SCAMP3: variants seen among roughly 807,000 people sequenced by gnomAD.
SCAMP3 encodes the protein secretory carrier-associated membrane protein 3.
SCAMP3 carries 30 observed loss-of-function variants against 44.1 expected under a neutral mutation model. The observed-to-expected ratio is 0.68, with a 90% CI of 0.51 to 0.92. SCAMP3 has a LOEUF of 0.92. Among genes scored for constraint, SCAMP3 ranks in the 40% least tolerant of loss-of-function variants. The pLI, the probability that SCAMP3 is intolerant of heterozygous loss-of-function variation, is 0.00. For missense variants in SCAMP3, 394 were observed against 440.0 expected, an observed-to-expected ratio of 0.90 and a Z score of 0.93; for synonymous variants, 168 against 171.1, an observed-to-expected ratio of 0.98 and a Z score of 0.14.
chr1:155,257,691 C>T, intron 5 of SCAMP3, 34 bp from the exon 6 acceptor site: 2 of 1,544,964 alleles, frequency 1.3e-6, no homozygotes, highest in South Asian at 1.2e-5. Context: ...AGGAGCCCTT[C>T]TGGACTGCAA....
rs909106 is a variant in SCAMP3, at chr1:155,257,348, A to T, written c.716T>A (p.Ile239Asn). 6.2e-7 allele frequency: 1 copy of T among 1,614,142 alleles called. No individual in the cohort carries two copies. The highest frequency in any genetic ancestry group is 1.1e-5 in the South Asian group (1 of 91,078). Residue 239 changes from isoleucine (I) to asparagine (N), a missense_variant, in exon 7 of 9, where the codon ATT becomes AAT. By Grantham distance (149) the Ile-to-Asn change is moderately radical. Transcript: ENST00000302631. ...SSFNFFVFFF[I>N]FFVQDVLFVL... ...AAAGAGCACATCCTGGACGAAGAAA[A>T]TGAAGAAGAAAACGAAGAAATTGAA...
Position 155,257,721 on chromosome 1 carries a change from A to G in SCAMP3, c.518-64T>C, listed in dbSNP as rs1027724866. On this transcript the variant is annotated intron_variant, in intron 5 of 8. Transcript: ENST00000302631. ...CTGCAATGAAGGCTCCTTCCCATCT[A>G]TGCTCATCCTATAATATTCACCAAA... is the stretch of plus-strand genomic sequence containing the variant. 7 of 1,435,948 alleles carry G rather than the reference A, an allele frequency of 4.9e-6. No homozygotes were observed. The African/African-American group carries it at 9.9e-5, about 20-fold the overall frequency. The allele number at this position is 1,435,948 out of a possible 1,614,324, so 89.0% of individuals were successfully genotyped here. A position where few individuals can be genotyped will look rare whatever the true frequency, so the allele number is the denominator to read the frequency against.
In SCAMP3 at chr1:155,260,914, GTT is replaced by G. The variant is rs60762712; in HGVS notation, c.145-257_145-256del. On this transcript the variant is annotated intron_variant, in intron 2 of 8. Coordinates refer to ENST00000302631, the MANE Select transcript of SCAMP3 (RefSeq NM_005698.4). ...TTACCATATCTCCCCACTTAACTGT[GTT>G]TTTTTTTTTTCTTTTCTTCTGGGGA... 4.6e-4 allele frequency among the ~76,000 whole-genome samples: 68 copies of G among 146,914 alleles called. No individual in the cohort carries two copies. In the East Asian group the frequency reaches 6.7e-3, roughly 15 times the overall value.
intron 4 of SCAMP3, among the ~76,000 whole-genome samples, chr1:155,259,616 C>T (rs547871319): frequency 9.2e-5 from 14 of 152,172 alleles, no homozygotes; most frequent in African/African-American, 2.2e-4. Flanking sequence ...CTGCCTGCCT[C>T]GGCCTCCCAA....
intron 5 of SCAMP3, among the ~76,000 whole-genome samples, chr1:155,258,164 C>A (rs1358812013): frequency 6.6e-6 from 1 of 151,750 alleles, no homozygotes; most frequent in Non-Finnish European, 1.5e-5. Context: ...GGACTACAGG[C>A]ACCCGCCACC....
In SCAMP3 at chr1:155,256,647, C is replaced by G. The variant is rs752012413; in HGVS notation, c.897+27G>C. The G allele has an allele frequency of 3.1e-6, 5 of 1,590,630 alleles. No individual in the cohort carries two copies. The South Asian group carries it at 4.4e-5, about 14-fold the overall frequency. On this transcript the variant is annotated intron_variant, in intron 8 of 8. Transcript: ENST00000302631. The stretch of plus-strand genomic sequence containing the variant: ...CTGGGGACCCATGATCTCACCATCC[C>G]GGCCCCACCTTCGACACAGCCCTCA...
At chr1:155,261,426 G>C in intron 2 of SCAMP3, 1 of 573,362 alleles carries the variant, frequency 1.7e-6, no homozygotes, top group East Asian at 2.9e-5. Flanking sequence ...GGCCTTGCCA[G>C]CCTCCAGATC....
chr1:155,258,674 T>A (rs963511392), intron 5 of SCAMP3, 152 bp downstream of exon 5: 3 of 695,762 alleles, frequency 4.3e-6, no homozygotes, highest in Non-Finnish European at 7.4e-6. Flanking sequence ...TTCCTGCATA[T>A]GGACAATAAA....
chr1:155,257,701 A>G (rs1255104528), intron 5 of SCAMP3, 44 bp from the exon 6 acceptor site: 9 of 1,528,918 alleles, frequency 5.9e-6, no homozygotes, highest in African/African-American at 1.4e-5. Context: ...CTGGACTGCA[A>G]TGAAGGCTCC....
At chr1:155,256,838 C>T (rs1672814570) in intron 7 of SCAMP3, 47 bp from the exon 8 acceptor site, 2 of 1,465,066 alleles carry the variant, frequency 1.4e-6, no homozygotes, top group East Asian at 4.6e-5. Flanking sequence ...CTCAGCTTCT[C>T]CACTGGTTAT....
At chr1:155,261,611 G>A (rs1360830307) in intron 2 of SCAMP3, 46 bp downstream of exon 2, 1 of 1,557,252 alleles carries the variant, frequency 6.4e-7, no homozygotes, top group Admixed American at 1.7e-5. Flanking sequence ...TGTCTCACTG[G>A]CAAACCCTTC....
At chr1:155,258,294 C>CAA (rs1368300786) in intron 5 of SCAMP3, among the ~76,000 whole-genome samples, 1 of 139,384 alleles carries the variant, frequency 7.2e-6, no homozygotes, top group East Asian at 2.1e-4. Context: ...GCTGGGATTA[C>CAA]AGGTGTGAGC....
rs1277089029 is a variant in SCAMP3, at chr1:155,262,148, C to A, written c.4G>T (p.Ala2Ser). The A allele has an allele frequency of 1.9e-6, 3 of 1,613,398 alleles. No homozygotes were observed. Among genetic ancestry groups the A allele is most frequent in the East Asian group, 4.5e-5 (2 of 44,876 alleles). Residue 2 changes from alanine (A) to serine (S), a missense_variant, in exon 1 of 9, where the codon GCT becomes TCT. Physicochemically the swap from Ala to Ser is moderately conservative, Grantham distance 99 (BLOSUM62 1). Transcript: ENST00000302631. ...GGGTTTCCGCCGTCTCTGCTCTGAGCCATGTTTGCAACTGCGGCCTCCGCG... is the reference window on the plus strand; with the variant it reads ...GGGTTTCCGCCGTCTCTGCTCTGAGACATGTTTGCAACTGCGGCCTCCGCG... M[A>S]QSRDGGNPFA...
chr1:155,256,823 G>C, intron 7 of SCAMP3, 32 bp from the exon 8 acceptor site: 1 of 1,554,404 alleles, frequency 6.4e-7, no homozygotes, highest in Non-Finnish European at 8.9e-7. Context: ...AGTGAAGAGG[G>C]GCTCCTCAGC....
rs758962388 is a variant in SCAMP3, at chr1:155,260,665, G to A, written c.145-6C>T. On this transcript the variant is annotated splice_region_variant and splice_polypyrimidine_tract_variant and intron_variant, in intron 2 of 8. Coordinates refer to ENST00000302631, the MANE Select transcript of SCAMP3 (RefSeq NM_005698.4). ...GGCTCATAGGCTGGTGGTGGCTGTT[G>A]AGGAAAAGACCTTAGTGATCATCTA... The A allele has an allele frequency of 1.2e-6, 2 of 1,603,328 alleles. No individual in the cohort carries two copies. The highest frequency in any genetic ancestry group is 1.7e-5 in the Admixed American group (1 of 58,644).
At position 155,257,324 on chromosome 1, in the gene SCAMP3, A is replaced by G; in HGVS notation, c.740T>C (p.Phe247Ser). Residue 247 changes from phenylalanine to serine, a missense_variant, in exon 7 of 9, where the codon TTT becomes TCT. By Grantham distance (155) the Phe-to-Ser change is radical. Coordinates refer to ENST00000302631, the MANE Select transcript of SCAMP3 (RefSeq NM_005698.4). Reference sequence around the variant, plus strand: ...TGGGATACCAATGGCCTGGAGGACAAAGAGCACATCCTGGACGAAGAAAAT... The same window carrying G: ...TGGGATACCAATGGCCTGGAGGACAGAGAGCACATCCTGGACGAAGAAAAT... The part of the protein sequence containing the change: ...FFIFFVQDVL[F>S]VLQAIGIPGW... The G allele has an allele frequency of 6.2e-7, 1 of 1,614,106 alleles. No individual in the cohort carries two copies. Among genetic ancestry groups the G allele is most frequent in the Non-Finnish European group, 8.5e-7 (1 of 1,179,948 alleles).
chr1:155,259,028 T>C, intron 4 of SCAMP3, 74 bp from the exon 5 acceptor site: 3 of 1,060,352 alleles, frequency 2.8e-6, no homozygotes, highest in Non-Finnish European at 4.1e-6. Context: ...CCCCCTTCTC[T>C]CCATCCCTGG....
chr1:155,262,039 G>T, intron 1 of SCAMP3, 47 bp downstream of exon 1: 1 of 1,576,558 alleles, frequency 6.3e-7, no homozygotes, highest in Non-Finnish European at 8.7e-7. Context: ...ACAGAACCGG[G>T]AAGAATCAAC....
intron 4 of SCAMP3, 90 bp downstream of exon 4, chr1:155,260,240 G>A (rs1672924409): frequency 6.6e-7 from 1 of 1,511,334 alleles, no homozygotes; most frequent in Non-Finnish European, 9.0e-7. Context: ...TTATAGGTGT[G>A]AGCCACCGCA....
Sources: gnomAD v4.1 joint callset for allele counts (sites outside exome capture counted in the v4.1 genomes callset) on GRCh38, gnomAD v4.1.1 for gene constraint, MANE v1.5 for transcripts, NCBI Gene and HGNC (gene_info 2026-07-23, HGNC 2026-07-21) for gene names.